Variants in PARD3B observed in about 807,000 individuals in gnomAD.
The protein encoded by PARD3B is par-3 family cell polarity regulator beta, also known as partitioning defective 3 homolog B.
PARD3B carries 103 observed loss-of-function variants against 130.2 expected under a neutral mutation model. That is an observed-to-expected ratio of 0.79 (90% CI 0.67 to 0.93). PARD3B has a LOEUF of 0.93. PARD3B is among the 40% of genes least tolerant of loss of function. The pLI is 0.00. For synonymous variants in PARD3B, 583 were observed against 553.2 expected (o/e 1.05, Z -0.76); for missense variants, 1,609 against 1,499.2 (o/e 1.07, Z -1.21).
chr2:205,275,602 A>G (rs1487006739), intron 16 of PARD3B, among the ~76,000 whole-genome samples: 1 of 152,070 alleles, frequency 6.6e-6, no homozygotes, highest in East Asian at 1.9e-4. Flanking sequence ...TTGAGAGATC[A>G]AGGCAGGTGG....
chr2:205,612,449 G>GT (rs1459267961), intron 22 of PARD3B, among the ~76,000 whole-genome samples: 2 of 152,046 alleles, frequency 1.3e-5, no homozygotes, highest in South Asian at 4.1e-4. Flanking sequence ...GCCAAAATTA[G>GT]TTTTTTTAAT....
intron 4 of PARD3B, chr2:205,048,281 C>G (rs1698940940): frequency 6.6e-6 from 1 of 152,018 alleles, no homozygotes; most frequent in Non-Finnish European, 1.5e-5. Context: ...ACTCAGCATT[C>G]AGATTGAAGA....
chr2:205,367,248 A>G (rs576429068), intron 18 of PARD3B, among the ~76,000 whole-genome samples: 1 of 152,336 alleles, frequency 6.6e-6, no homozygotes, highest in East Asian at 1.9e-4. Flanking sequence ...TATTTCGTCC[A>G]GAGAAGAGAA....
intron 14 of PARD3B, among the ~76,000 whole-genome samples, chr2:205,189,463 G>A (rs1359584938): frequency 1.3e-5 from 2 of 152,122 alleles, no homozygotes; most frequent in Admixed American, 1.3e-4. Context: ...AGATTCTCTG[G>A]TCGTTCATGC....
In PARD3B at chr2:204,650,568, T is replaced by C. The variant is rs1319832017; in HGVS notation, c.121-35613T>C. Among the ~76,000 whole-genome samples the C allele has an allele frequency of 2.0e-5, 3 of 152,270 alleles. No individual in the cohort carries two copies. In the East Asian group the frequency reaches 5.8e-4, roughly 29 times the overall value. ...TACATCATGGAATATTATGCAGCCA[T>C]AAAAAGAAATGAGATCATGTTCTTT... On this transcript the variant is annotated intron_variant, in intron 1 of 22. Transcript: ENST00000406610.
At chr2:205,108,724 A>G (rs1430841612) in intron 5 of PARD3B, among the ~76,000 whole-genome samples, 2 of 152,092 alleles carry the variant, frequency 1.3e-5, no homozygotes, top group African/African-American at 2.4e-5. Flanking sequence ...ACACATCACA[A>G]GGTGCCTCCA....
chr2:204,660,463 T>C (rs774782962), intron 1 of PARD3B, among the ~76,000 whole-genome samples: 2 of 152,166 alleles, frequency 1.3e-5, no homozygotes, highest in Non-Finnish European at 2.9e-5. Context: ...TTGCGGGGTG[T>C]GGTGGCCTAT....
chr2:205,307,465 G>A (rs756662253), intron 18 of PARD3B, among the ~76,000 whole-genome samples: 8 of 152,072 alleles, frequency 5.3e-5, no homozygotes, highest in Non-Finnish European at 4.4e-5. Flanking sequence ...TGTATGCTCT[G>A]TGCTTAAATT....
rs572026898 is a variant in PARD3B, at chr2:205,151,989, G to A, written c.1435-6733G>A. Among the ~76,000 whole-genome samples the A allele has an allele frequency of 8.9e-4, 136 of 152,258 alleles. 2 individuals are homozygous for A. In the Middle Eastern group the frequency reaches 0.01, roughly 11 times the overall value. Reference sequence around the variant, plus strand: ...AAAATCTCTCAGCATTTGCTTCTCCGTAAAGGATTTTATTTCTCCTTCACT... The same window carrying A: ...AAAATCTCTCAGCATTTGCTTCTCCATAAAGGATTTTATTTCTCCTTCACT... On this transcript the variant is annotated intron_variant, in intron 10 of 22. Transcript: ENST00000406610.
At chr2:205,355,984 C>G (rs1454218357) in intron 18 of PARD3B, among the ~76,000 whole-genome samples, 2 of 152,176 alleles carry the variant, frequency 1.3e-5, no homozygotes, top group African/African-American at 4.8e-5. Context: ...TCCCTTGATT[C>G]ATGGGGATTA....
intron 19 of PARD3B, among the ~76,000 whole-genome samples, chr2:205,417,332 A>T (rs1434130644): frequency 6.6e-6 from 1 of 152,026 alleles, no homozygotes; most frequent in Non-Finnish European, 1.5e-5. Flanking sequence ...TATATCATTG[A>T]TGGACATTTG....
chr2:204,676,662 G>A (rs2036558928), intron 1 of PARD3B, among the ~76,000 whole-genome samples: 1 of 130,322 alleles, frequency 7.7e-6, no homozygotes, highest in Non-Finnish European at 1.6e-5. Flanking sequence ...TCTACTCTAT[G>A]ATTGTTTTTT....
At chr2:205,150,425 G>T (rs1035164235) in intron 10 of PARD3B, among the ~76,000 whole-genome samples, 1 of 151,994 alleles carries the variant, frequency 6.6e-6, no homozygotes, top group African/African-American at 2.4e-5. Context: ...ACAAAATGCT[G>T]TCTGGCAAGA....
At chr2:204,881,469 A>T (rs1449633373) in intron 2 of PARD3B, among the ~76,000 whole-genome samples, 3 of 152,168 alleles carry the variant, frequency 2.0e-5, no homozygotes, top group Non-Finnish European at 2.9e-5. Context: ...TAAGAAAACA[A>T]TGAGGGAGAG....
At position 205,217,862 on chromosome 2, in the gene PARD3B, GTGTGTGTA is replaced by G. The variant is rs1209223859; in HGVS notation, c.2140+24544_2140+24551del. Reference sequence around the variant, plus strand: ...TGTGTATATGTGTGTGTGTGTGTGTGTGTGTGTATATATATATATATATATATATATAT... The same window carrying G: ...TGTGTATATGTGTGTGTGTGTGTGTGTATATATATATATATATATATATAT... On this transcript the variant is annotated intron_variant, in intron 15 of 22. Transcript: ENST00000406610. 7.9e-3 allele frequency among the ~76,000 whole-genome samples: 625 copies of G among 78,732 alleles called. 6 individuals are homozygous for G. The highest frequency in any genetic ancestry group is 0.031 in the African/African-American group (527 of 17,108). The allele number at this position is 78,732 out of a possible 152,430, so 51.7% of individuals were successfully genotyped here.
At chr2:204,766,260 G>T (rs1419027900) in intron 2 of PARD3B, among the ~76,000 whole-genome samples, 3 of 152,078 alleles carry the variant, frequency 2.0e-5, no homozygotes, top group African/African-American at 7.2e-5. Flanking sequence ...ATGTTAAGTA[G>T]TACTTAATAC....
rs2041962025 is a variant in PARD3B at position 205,300,655 on chromosome 2, A to G, written c.2311A>G (p.Met771Val). The G allele has an allele frequency of 1.2e-6, 2 of 1,614,024 alleles. No homozygotes were observed. Among genetic ancestry groups the G allele is most frequent in the Non-Finnish European group, 1.7e-6 (2 of 1,180,026 alleles). Residue 771 changes from methionine to valine, a missense_variant, in exon 17 of 23, where the codon ATG (methionine) becomes GTG (valine). Met to Val is a conservative substitution (Grantham distance 21). Coordinates refer to ENST00000406610, the MANE Select transcript of PARD3B (RefSeq NM_001302769.2). This position sits in a 1 kb window ranked among gnomAD's most constrained non-coding sequence, Gnocchi z 4.1. ...DLPFHRPRPH[M>V]VRGRGCNESF... ...TCCCTTTCACAGGCCCCGGCCGCAC[A>G]TGGTTCGAGGCCGAGGCTGCAATGA...
Position 205,460,349 on chromosome 2 carries a change from C to G in PARD3B, c.3044+19677C>G, listed in dbSNP as rs1380968815. On this transcript the variant is annotated intron_variant, in intron 20 of 22. Transcript: ENST00000406610. The surrounding 1 kb of genome is among the most constrained non-coding windows in gnomAD (Gnocchi z 4.9). ...TTTGCTCAGATGTGAGTTTCAGGAT[C>G]TAGAAACACAATATGAGGATTATCA... 6.6e-6 allele frequency among the ~76,000 whole-genome samples: 1 copy of G among 151,484 alleles called. No individual in the cohort carries two copies. Among genetic ancestry groups the G allele is most frequent in the African/African-American group, 2.4e-5 (1 of 41,160 alleles).
intron 1 of PARD3B, among the ~76,000 whole-genome samples, chr2:204,634,684 A>C (rs2034808215): frequency 6.6e-6 from 1 of 152,054 alleles, no homozygotes; most frequent in African/African-American, 2.4e-5. Context: ...TTTAATTGAT[A>C]TTTAGATCTA....
Sources: allele counts gnomAD v4.1 joint callset (sites outside exome capture counted in the v4.1 genomes callset), GRCh38; gene constraint gnomAD v4.1.1; non-coding constraint Gnocchi (gnomAD v3.1); transcripts MANE v1.5; gene names NCBI Gene and HGNC (gene_info 2026-07-23, HGNC 2026-07-21).